The following ANO3 variants were observed in gnomAD, a reference collection of about 807,000 sequenced individuals.
The protein encoded by ANO3 is anoctamin 3, also known as anoctamin-3.
ANO3 carries 99 observed loss-of-function variants against 144.8 expected under a neutral mutation model. The observed-to-expected ratio is 0.68, with a 90% CI of 0.58 to 0.81. The LOEUF (loss-of-function observed/expected upper bound fraction) is 0.81. ANO3 is among the 30% of genes least tolerant of loss of function. ANO3 has a pLI of 0.00. For synonymous variants in ANO3, 414 were observed against 392.6 expected (o/e 1.05, Z -0.64); for missense variants, 905 against 1,202.2 (o/e 0.75, Z 3.66).
In ANO3 at chr11:26,595,728, T is replaced by G. The variant is rs763545698; in HGVS notation, c.1448-2637T>G. On this transcript the variant is annotated intron_variant, in intron 14 of 26. Coordinates refer to ENST00000256737, the MANE Select transcript of ANO3 (RefSeq NM_031418.4). ...GATTGAAATCCCCTGTTAGGAAATCTGCTGGGTTAAGAGAATTTTCAGTGG... is the reference window on the plus strand; with the variant it reads ...GATTGAAATCCCCTGTTAGGAAATCGGCTGGGTTAAGAGAATTTTCAGTGG... Among the ~76,000 whole-genome samples the G allele has an allele frequency of 1.4e-3, 218 of 152,302 alleles. 1 individual carries two copies. Among genetic ancestry groups the G allele is most frequent in the Non-Finnish European group, 7.5e-4 (51 of 68,026 alleles).
chr11:26,310,280 G>A (rs1301441050), intron 1 of ANO3, among the ~76,000 whole-genome samples: 1 of 152,050 alleles, frequency 6.6e-6, no homozygotes, highest in Non-Finnish European at 1.5e-5. Context: ...TTCTTTTTGA[G>A]GCCCGCTTTT....
intron 4 of ANO3, among the ~76,000 whole-genome samples, chr11:26,500,274 C>T (rs7929544): frequency 0.6 from 90,874 of 151,600 alleles, 27,900 homozygotes; most frequent in East Asian, 0.68. Context: ...AATTGGTGTG[C>T]AAGTTTTTGT....
At chr11:26,249,001 T>C (rs74404146) in intron 1 of ANO3, among the ~76,000 whole-genome samples, 2,399 of 152,284 alleles carry the variant, frequency 0.016, 63 homozygotes, top group African/African-American at 0.055. Flanking sequence ...TGTGGAAATA[T>C]CGTCTTCCAC....
At chr11:26,342,572 A>C (rs1202405434) in intron 1 of ANO3, among the ~76,000 whole-genome samples, 1 of 152,192 alleles carries the variant, frequency 6.6e-6, no homozygotes, top group Admixed American at 6.5e-5. Flanking sequence ...CTTACTTCTC[A>C]GCCTTCAGAA....
chr11:26,311,736 G>A (rs1318786169), intron 1 of ANO3, among the ~76,000 whole-genome samples: 1 of 152,150 alleles, frequency 6.6e-6, no homozygotes, highest in African/African-American at 2.4e-5. Flanking sequence ...ACTCTGATAT[G>A]TCTTTCTGTC....
At chr11:26,384,254 T>C (rs1334982841) in intron 1 of ANO3, among the ~76,000 whole-genome samples, 1 of 152,156 alleles carries the variant, frequency 6.6e-6, no homozygotes, top group Non-Finnish European at 1.5e-5. Context: ...TATATATGTG[T>C]ATATGTACAA....
At chr11:26,299,434 A>G (rs1286840471) in intron 1 of ANO3, among the ~76,000 whole-genome samples, 8 of 152,250 alleles carry the variant, frequency 5.3e-5, no homozygotes, top group Non-Finnish European at 1.2e-4. Context: ...AATTAGAAAT[A>G]GTAAGTTTTG....
intron 3 of ANO3, among the ~76,000 whole-genome samples, chr11:26,462,053 G>A (rs10742140): frequency 0.53 from 79,678 of 151,594 alleles, 22,118 homozygotes; most frequent in East Asian, 0.68. Flanking sequence ...ACTATTAGCT[G>A]CCCATGATGT....
chr11:26,496,344 A>T (rs1860939304), intron 4 of ANO3, among the ~76,000 whole-genome samples: 1 of 152,140 alleles, frequency 6.6e-6, no homozygotes, highest in African/African-American at 2.4e-5. Context: ...TGACTCGTTC[A>T]CCAGTGTATC....
intron 20 of ANO3, among the ~76,000 whole-genome samples, chr11:26,638,663 G>A (rs1046815255): frequency 6.6e-6 from 1 of 152,186 alleles, no homozygotes; most frequent in African/African-American, 2.4e-5. Flanking sequence ...CCATGGTAAT[G>A]TATGGAGCGA....
At chr11:26,615,069 T>C (rs570050016) in intron 17 of ANO3, among the ~76,000 whole-genome samples, 54 of 151,396 alleles carry the variant, frequency 3.6e-4, no homozygotes, top group South Asian at 2.7e-3. Flanking sequence ...TTTATCTCTG[T>C]ATATAGGTCT....
At chr11:26,596,055 G>T (rs1315807275) in intron 14 of ANO3, among the ~76,000 whole-genome samples, 2 of 152,166 alleles carry the variant, frequency 1.3e-5, no homozygotes, top group Non-Finnish European at 2.9e-5. Flanking sequence ...TTGACAACAA[G>T]GTAATATTGG....
intron 17 of ANO3, among the ~76,000 whole-genome samples, chr11:26,608,553 G>C (rs1367177180): frequency 2.0e-5 from 3 of 152,138 alleles, no homozygotes; most frequent in East Asian, 3.9e-4. Context: ...GAAAGGCTAA[G>C]TCTGCTGGTT....
In ANO3 at chr11:26,656,456, G is replaced by A. The variant is rs1170590630; in HGVS notation, c.2738G>A (p.Arg913Lys). The change falls in exon 26 of 27, where the codon AGA becomes AAA. Residue 913 changes from arginine (R) to lysine (K), a missense_variant. Arg to Lys is a conservative substitution (Grantham distance 26, BLOSUM62 2). Around this residue, in one of 4 missense-constraint regions of ANO3, gnomAD observed 597 missense variants for 865.1 expected, o/e 0.69. Transcript: ENST00000256737. ...TLQYWHILAA[R>K]LAFIIVFEHL... ...CAATACTGGCATATCCTTGCTGCTAGATTGGCCTTCATTATTGTGTTTGAG... is the reference window on the plus strand; with the variant it reads ...CAATACTGGCATATCCTTGCTGCTAAATTGGCCTTCATTATTGTGTTTGAG... 1.7e-5 allele frequency: 27 copies of A among 1,610,474 alleles called. No homozygotes were observed. Among genetic ancestry groups the A allele is most frequent in the Non-Finnish European group, 2.3e-5 (27 of 1,176,780 alleles).
At chr11:26,658,050 A>G (rs147825374) in intron 26 of ANO3, among the ~76,000 whole-genome samples, 2 of 152,200 alleles carry the variant, frequency 1.3e-5, no homozygotes, top group African/African-American at 4.8e-5. Context: ...GCCCAGGTCT[A>G]TGTCCTAAAG....
intron 1 of ANO3, among the ~76,000 whole-genome samples, chr11:26,230,531 T>A (rs1376977615): frequency 6.6e-6 from 1 of 152,000 alleles, no homozygotes; most frequent in Non-Finnish European, 1.5e-5. Flanking sequence ...GCACGGTAGC[T>A]CACGCCTGTA....
upstream of ANO3, among the ~76,000 whole-genome samples, chr11:26,329,337 G>C (rs1051040623): frequency 1.8e-4 from 27 of 149,556 alleles, no homozygotes; most frequent in African/African-American, 5.6e-4. Flanking sequence ...CAGAGAGAGA[G>C]AGAGAGAGAG....
At chr11:26,555,833 A>G (rs999638813) in intron 13 of ANO3, among the ~76,000 whole-genome samples, 2 of 152,162 alleles carry the variant, frequency 1.3e-5, no homozygotes, top group African/African-American at 2.4e-5. Context: ...AAGGGAGCAG[A>G]TTTTTGCCAA....
chr11:26,370,141 C>T (rs1856207448), intron 1 of ANO3, among the ~76,000 whole-genome samples: 1 of 152,160 alleles, frequency 6.6e-6, no homozygotes, highest in African/African-American at 2.4e-5. Flanking sequence ...TTCCCATAAT[C>T]TCCACATGTT....
Sources: allele counts gnomAD v4.1 joint callset (sites outside exome capture counted in the v4.1 genomes callset), GRCh38; gene constraint gnomAD v4.1.1; regional missense constraint gnomAD v4.1.1; transcripts MANE v1.5; gene names NCBI Gene and HGNC (gene_info 2026-07-23, HGNC 2026-07-21).